FAIM2: variants seen among roughly 807,000 people sequenced by gnomAD.
FAIM2 encodes the protein Fas apoptotic inhibitory molecule 2.
FAIM2 carries 27 observed loss-of-function variants against 47.4 expected under a neutral mutation model. That is an observed-to-expected ratio of 0.57 (90% CI 0.42 to 0.78). FAIM2 has a LOEUF of 0.78. Ranked by LOEUF, FAIM2 falls within the 30% of genes least tolerant of loss-of-function variation. The probability of loss-of-function intolerance (pLI) is 0.00; values close to 1 mark genes in which losing one functional copy is unlikely to be tolerated. For missense variants in FAIM2, 311 were observed against 389.4 expected (o/e 0.80, Z 1.69); for synonymous variants, 156 against 159.3 (o/e 0.98, Z 0.16).
At chr12:49,900,492 C>A (rs1316964954) in intron 2 of FAIM2, among the ~76,000 whole-genome samples, 1 of 152,178 alleles carries the variant, frequency 6.6e-6, no homozygotes, top group East Asian at 1.9e-4. Flanking sequence ...CTGCAGGAAT[C>A]TGGCATCCAC....
At chr12:49,894,026 G>T (rs1262131333) in intron 5 of FAIM2, among the ~76,000 whole-genome samples, 1 of 152,186 alleles carries the variant, frequency 6.6e-6, no homozygotes, top group African/African-American at 2.4e-5. Flanking sequence ...GGGCAGAGGG[G>T]CCAAAGACCC....
At chr12:49,897,772 C>CG (rs1463285743) in intron 3 of FAIM2, among the ~76,000 whole-genome samples, 189 bp from the exon 4 acceptor site, 3 of 152,096 alleles carry the variant, frequency 2.0e-5, no homozygotes, top group African/African-American at 7.2e-5. Flanking sequence ...GCACCCCCCC[C>CG]CAGCATTGGG....
intron 11 of FAIM2, among the ~76,000 whole-genome samples, chr12:49,880,492 G>GTGTGTGTGTA (rs1555158545): frequency 4.7e-5 from 4 of 84,278 alleles, no homozygotes; most frequent in African/African-American, 1.1e-4. Flanking sequence ...GTATGCATGT[G>GTGTGTGTGTA]TATGTGTGTG....
chr12:49,878,699 C>G (rs1377989590), intron 11 of FAIM2, among the ~76,000 whole-genome samples: 1 of 102,474 alleles, frequency 9.8e-6, no homozygotes, highest in Non-Finnish European at 1.8e-5. Flanking sequence ...AGTGTATGTG[C>G]ATGTGTGCAT....
chr12:49,890,917 G>C lies in FAIM2; in HGVS notation c.485+147C>G, dbSNP rs1455132863. On this transcript the variant is annotated intron_variant, in intron 6 of 11. Coordinates refer to ENST00000320634, the MANE Select transcript of FAIM2 (RefSeq NM_012306.4). ...ACCTCAGAGGCACCAGGTAAAGGAG[G>C]GAGGGGCTGCCTGCTCGATAGAGGC... The C allele has an allele frequency of 6.8e-6, 6 of 885,130 alleles. No homozygotes were observed. In the Admixed American group the frequency reaches 1.1e-4, roughly 16 times the overall value. 54.8% of individuals were successfully genotyped at this position (885,130 alleles called of 1,614,324 possible).
chr12:49,880,507 A>AT (rs1565615034), intron 11 of FAIM2, among the ~76,000 whole-genome samples: 3 of 34,806 alleles, frequency 8.6e-5, no homozygotes, highest in African/African-American at 2.1e-4. Flanking sequence ...TGTGTGTATG[A>AT]GTGTGTATGT....
Position 49,901,160 on chromosome 12 carries a change from G to A in FAIM2, c.181C>T (p.Leu61Phe), listed in dbSNP as rs369203002. ...TCCACATAGGCCCAGCTAGGGTGGA[G>A]AGGCACCGCTGTGGGGGCTGGGGGG... ...AFPPAPTAVP[L>F]HPSWAYVDPS... The change falls in exon 2 of 12, where the codon CTC (leucine) becomes TTC (phenylalanine). Residue 61 changes from leucine (L) to phenylalanine (F), a missense_variant. By Grantham distance (22) the Leu-to-Phe change is conservative (BLOSUM62 0). Coordinates refer to ENST00000320634, the MANE Select transcript of FAIM2 (RefSeq NM_012306.4). The A allele has an allele frequency of 2.9e-5, 47 of 1,605,812 alleles. No individual in the cohort carries two copies. Among genetic ancestry groups the A allele is most frequent in the Non-Finnish European group, 3.6e-5 (42 of 1,176,864 alleles).
intron 9 of FAIM2, 41 bp downstream of exon 9, chr12:49,889,440 C>A: frequency 6.4e-7 from 1 of 1,572,188 alleles, no homozygotes; most frequent in South Asian, 1.1e-5. Flanking sequence ...CCCTGCTCAG[C>A]CTCAGGCCAG....
chr12:49,880,721 T>C (rs1946816623), intron 11 of FAIM2, among the ~76,000 whole-genome samples: 1 of 70,610 alleles, frequency 1.4e-5, no homozygotes, highest in African/African-American at 7.7e-5. Context: ...TACATGCGTG[T>C]ATATGTGTGT....
rs1195794242 is a variant in FAIM2, at chr12:49,878,585, CAT to C, written c.802-7934_802-7933del. Among the ~76,000 whole-genome samples the C allele has an allele frequency of 1.1e-4, 10 of 92,636 alleles. 3 individuals are homozygous for C. Among genetic ancestry groups the C allele is most frequent in the Admixed American group, 9.2e-4 (7 of 7,594 alleles). 60.8% of individuals were successfully genotyped at this position (92,636 alleles called of 152,430 possible). A position where few individuals can be genotyped will look rare whatever the true frequency, so the allele number is the denominator to read the frequency against. On this transcript the variant is annotated intron_variant, in intron 11 of 11. Coordinates refer to ENST00000320634, the MANE Select transcript of FAIM2 (RefSeq NM_012306.4). ...GTGTATATGTTCATGTGTATATGTA[CAT>C]GTGTATGTGTATGTGTGCATGTGTA...
chr12:49,878,824 ATG>A lies in FAIM2; in HGVS notation c.802-8173_802-8172del, dbSNP rs776550773. 1.5e-3 allele frequency among the ~76,000 whole-genome samples: 99 copies of A among 63,922 alleles called. 3 individuals are homozygous for A. Among genetic ancestry groups the A allele is most frequent in the African/African-American group, 7.1e-3 (71 of 9,942 alleles). The allele number at this position is 63,922 out of a possible 152,430, so 41.9% of individuals were successfully genotyped here. A position where few individuals can be genotyped will look rare whatever the true frequency, so the allele number is the denominator to read the frequency against. ...TATGTGTGCATGTGAATGTGTGTAT[ATG>A]TGAGTGTATGTGTGTGCATGTGTGT... On this transcript the variant is annotated intron_variant, in intron 11 of 11. Transcript: ENST00000320634.
chr12:49,890,536 A>G (rs1340471373), intron 7 of FAIM2, 147 bp downstream of exon 7: 5 of 728,052 alleles, frequency 6.9e-6, no homozygotes, highest in Non-Finnish European at 1.2e-5. Flanking sequence ...TGTTTGTGGA[A>G]GAAGTGGGGT....
chr12:49,879,839 TG>T, intron 11 of FAIM2, among the ~76,000 whole-genome samples: 1 of 142,848 alleles, frequency 7.0e-6, no homozygotes, highest in African/African-American at 2.5e-5. Context: ...TGCGTGCATG[TG>T]TGAGTGTATG....
chr12:49,892,075 TTCC>T (rs1341644948), intron 5 of FAIM2, among the ~76,000 whole-genome samples: 9 of 152,088 alleles, frequency 5.9e-5, no homozygotes, highest in African/African-American at 2.2e-4. Context: ...AATTTCAAGC[TTCC>T]TCCTCCATCC....
chr12:49,900,080 A>AGGGAAGGGGAAAAGAGAG, intron 2 of FAIM2: 1 of 577,712 alleles, frequency 1.7e-6, no homozygotes, highest in Non-Finnish European at 2.7e-6. Flanking sequence ...CAGGCCACAG[A>AGGGAAGGGGAAAAGAGAG]GGGAAGGGGA....
chr12:49,892,665 C>A (rs1436537616), intron 5 of FAIM2, among the ~76,000 whole-genome samples: 1 of 152,170 alleles, frequency 6.6e-6, no homozygotes, highest in Non-Finnish European at 1.5e-5. Context: ...CTCAGTCTGC[C>A]TGGTTCCCTC....
At chr12:49,880,144 G>T (rs1172422502) in intron 11 of FAIM2, among the ~76,000 whole-genome samples, 4 of 148,396 alleles carry the variant, frequency 2.7e-5, no homozygotes, top group Non-Finnish European at 6.1e-5. Flanking sequence ...GTGTATATGT[G>T]AGTGTATGTG....
intron 2 of FAIM2, chr12:49,900,024 T>G (rs1465319267): frequency 6.7e-6 from 2 of 296,828 alleles, no homozygotes; most frequent in Non-Finnish European, 1.4e-5. Context: ...TGTCCTTCAC[T>G]TCTCCCTCGT....
chr12:49,875,484 T>A (rs1254856657), intron 11 of FAIM2, among the ~76,000 whole-genome samples: 1 of 151,570 alleles, frequency 6.6e-6, no homozygotes, highest in Non-Finnish European at 1.5e-5. Context: ...GCCCATTTCT[T>A]GCCTGATACC....
Sources: gnomAD v4.1 joint callset for allele counts (sites outside exome capture counted in the v4.1 genomes callset) on GRCh38, gnomAD v4.1.1 for gene constraint, MANE v1.5 for transcripts, NCBI Gene and HGNC (gene_info 2026-07-23, HGNC 2026-07-21) for gene names.